MED12L: variants seen among roughly 807,000 people sequenced by gnomAD.
The protein encoded by MED12L is mediator complex subunit 12L, also known as mediator of RNA polymerase II transcription subunit 12-like protein.
Under a neutral mutation model 281.3 loss-of-function variants are expected in MED12L, and 60 were observed. The ratio of observed to expected loss-of-function variants is 0.21; its 90% CI spans 0.17 to 0.26. The LOEUF (loss-of-function observed/expected upper bound fraction) is 0.26. MED12L is among the 10% of genes least tolerant of loss of function. The probability of loss-of-function intolerance (pLI) is 1.00; values close to 1 mark genes in which losing one functional copy is unlikely to be tolerated. For synonymous variants in MED12L, 974 were observed against 987.2 expected, an observed-to-expected ratio of 0.99 and a Z score of 0.25; for missense variants, 2,146 against 2,680.9, an observed-to-expected ratio of 0.80 and a Z score of 4.41.
chr3:151,201,457 A>C (rs1725581068), intron 16 of MED12L, among the ~76,000 whole-genome samples: 1 of 152,168 alleles, frequency 6.6e-6, no homozygotes, highest in South Asian at 2.1e-4. Flanking sequence ...ATAGGATTTT[A>C]AGGATGGATG....
intron 27 of MED12L, among the ~76,000 whole-genome samples, chr3:151,372,981 A>C (rs1577481348): frequency 6.6e-6 from 1 of 152,186 alleles, no homozygotes; most frequent in Non-Finnish European, 1.5e-5. Flanking sequence ...ACATTTTGCT[A>C]CATGTGCTTT....
chr3:151,416,878 A>C (rs901684849), intron 43 of MED12L, among the ~76,000 whole-genome samples: 1 of 152,238 alleles, frequency 6.6e-6, no homozygotes, highest in African/African-American at 2.4e-5. Flanking sequence ...AAGAGTTTTC[A>C]TGTAACTCAC....
chr3:151,327,968 G>T, intron 16 of MED12L: 1 of 1,468,602 alleles, frequency 6.8e-7, no homozygotes, highest in Non-Finnish European at 9.1e-7. Context: ...TCAATAAATA[G>T]AAGTTAACCC....
intron 16 of MED12L, among the ~76,000 whole-genome samples, chr3:151,340,273 T>C (rs955673680): frequency 6.6e-6 from 1 of 152,190 alleles, no homozygotes; most frequent in Non-Finnish European, 1.5e-5. Context: ...CTGTAAGATA[T>C]TTAACAAGTA....
rs1282929434 is a variant in MED12L at position 151,085,749 on chromosome 3, C to G, written c.-317C>G. On this transcript the variant is annotated 5_prime_UTR_variant, in exon 1 of 45. Transcript: ENST00000687756. ...TGGGGGCGAGAACGCCGGCGGCGAG[C>G]CGGCGTCGCTCGCCGCCCCCAGACA... The G allele has an allele frequency of 6.6e-6, 1 of 152,080 alleles. No individual in the cohort carries two copies. Among genetic ancestry groups the G allele is most frequent in the Admixed American group, 6.6e-5 (1 of 15,264 alleles). The allele number at this position is 152,080 out of a possible 1,614,324, so 9.4% of individuals were successfully genotyped here.
chr3:151,106,364 G>T (rs1439392060), intron 2 of MED12L, among the ~76,000 whole-genome samples: 1 of 111,870 alleles, frequency 8.9e-6, no homozygotes, highest in Non-Finnish European at 1.7e-5. Context: ...CTTTCCTACA[G>T]GGTCTCGCCA....
At chr3:151,297,797 A>G (rs1158237046) in intron 16 of MED12L, among the ~76,000 whole-genome samples, 1 of 152,134 alleles carries the variant, frequency 6.6e-6, no homozygotes, top group Non-Finnish European at 1.5e-5. Context: ...ATTTTGCCTA[A>G]CAATTATGGT....
At chr3:151,255,701 A>G (rs564387819) in intron 16 of MED12L, among the ~76,000 whole-genome samples, 155 of 152,324 alleles carry the variant, frequency 1.0e-3, no homozygotes, top group African/African-American at 3.5e-3. Context: ...GAAAAAATAC[A>G]GCGAACTTGT....
chr3:151,164,462 C>G (rs553226847), intron 9 of MED12L, among the ~76,000 whole-genome samples: 1 of 152,130 alleles, frequency 6.6e-6, no homozygotes, highest in East Asian at 1.9e-4. Context: ...GGATCTAGAA[C>G]TAGAAATACC....
chr3:151,374,190 G>A (rs9864790), intron 27 of MED12L, among the ~76,000 whole-genome samples: 17,265 of 151,576 alleles, frequency 0.11, 1,294 homozygotes, highest in Middle Eastern at 0.18. Flanking sequence ...ACACATGGCC[G>A]GGCATGTTAA....
intron 16 of MED12L, among the ~76,000 whole-genome samples, chr3:151,345,835 GA>G (rs1358391106): frequency 6.6e-6 from 1 of 152,026 alleles, no homozygotes; most frequent in East Asian, 1.9e-4. Context: ...CTACTTGTAT[GA>G]AAAACTGATG....
intron 16 of MED12L, among the ~76,000 whole-genome samples, chr3:151,219,897 C>T (rs1004173435): frequency 7.3e-6 from 1 of 136,604 alleles, no homozygotes; most frequent in South Asian, 2.8e-4. Context: ...TATTACCCCC[C>T]CCCCCCCCTT....
chr3:151,275,867 C>T (rs1741762192), intron 16 of MED12L, among the ~76,000 whole-genome samples: 1 of 152,032 alleles, frequency 6.6e-6, no homozygotes. Flanking sequence ...CTGTGCTGCT[C>T]AGACTTTTAG....
At chr3:151,317,413 G>A (rs1577317698) in intron 16 of MED12L, among the ~76,000 whole-genome samples, 1 of 122,726 alleles carries the variant, frequency 8.1e-6, no homozygotes, top group Non-Finnish European at 1.7e-5. Flanking sequence ...ATCCAACAAT[G>A]ACAAATTTAT....
Position 151,387,886 on chromosome 3 carries a change from C to G in MED12L, c.5165C>G (p.Ser1722Cys). 6.2e-7 allele frequency: 1 copy of G among 1,614,148 alleles called. No homozygotes were observed. The highest frequency in any genetic ancestry group is 1.1e-5 in the South Asian group (1 of 91,086). The change falls in exon 37 of 45, where the codon TCC (serine) becomes TGC (cysteine). Residue 1722 changes from serine (S) to cysteine (C), a missense_variant. Ser to Cys is a moderately radical substitution (Grantham distance 112). Coordinates refer to ENST00000687756, the MANE Select transcript of MED12L (RefSeq NM_001393769.1). The part of the protein sequence containing the change: ...FEGQKNPAPL[S>C]WAWFGTVRVD... ...GGTCAGAAGAACCCAGCTCCTTTGTCCTGGGCCTGGTTTGGGACAGTCCGA... is the reference window on the plus strand; with the variant it reads ...GGTCAGAAGAACCCAGCTCCTTTGTGCTGGGCCTGGTTTGGGACAGTCCGA...
At chr3:151,199,790 G>A (rs922531677) in intron 16 of MED12L, among the ~76,000 whole-genome samples, 2 of 152,200 alleles carry the variant, frequency 1.3e-5, no homozygotes, top group African/African-American at 4.8e-5. Context: ...GGAAACTAGG[G>A]TTGTGGTTGA....
At chr3:151,193,746 C>T in intron 16 of MED12L, 80 bp downstream of exon 16, 4 of 1,255,160 alleles carry the variant, frequency 3.2e-6, no homozygotes, top group Admixed American at 2.0e-5. Context: ...GATTATTCAA[C>T]TGTATTCTTG....
intron 27 of MED12L, among the ~76,000 whole-genome samples, chr3:151,373,976 T>C (rs1756504342): frequency 1.3e-5 from 2 of 152,126 alleles, no homozygotes; most frequent in African/African-American, 4.8e-5. Flanking sequence ...AATATATCCA[T>C]ACACTTAAAT....
chr3:151,326,212 T>G (rs1236337911), intron 16 of MED12L: 1 of 152,606 alleles, frequency 6.6e-6, no homozygotes, highest in Non-Finnish European at 1.5e-5. Context: ...GAGCTTGAGC[T>G]TTCATTTCAA....
Sources: gnomAD v4.1 joint callset for allele counts (sites outside exome capture counted in the v4.1 genomes callset) on GRCh38, gnomAD v4.1.1 for gene constraint, MANE v1.5 for transcripts, NCBI Gene and HGNC (gene_info 2026-07-23, HGNC 2026-07-21) for gene names.